EPHA5: variants seen among roughly 807,000 people sequenced by gnomAD.
EPHA5 encodes ephrin type-A receptor 5.
Under a neutral mutation model 105.0 loss-of-function variants are expected in EPHA5, and 60 were observed. The ratio of observed to expected loss-of-function variants is 0.57; its 90% CI spans 0.46 to 0.71. EPHA5 has a LOEUF of 0.71. Ranked by LOEUF, EPHA5 falls within the 30% of genes least tolerant of loss-of-function variation. The pLI, the probability that EPHA5 is intolerant of heterozygous loss-of-function variation, is 0.00. For synonymous variants in EPHA5, 513 were observed against 449.1 expected, an observed-to-expected ratio of 1.14 and a Z score of -1.80; for missense variants, 1,218 against 1,274.7, an observed-to-expected ratio of 0.96 and a Z score of 0.68.
At chr4:65,528,068 T>C (rs1735410525) in intron 3 of EPHA5, among the ~76,000 whole-genome samples, 1 of 152,166 alleles carries the variant, frequency 6.6e-6, no homozygotes, top group Non-Finnish European at 1.5e-5. Context: ...TAAAGTATGG[T>C]CAGCTTGAAA....
intron 2 of EPHA5, among the ~76,000 whole-genome samples, chr4:65,617,650 T>C (rs538433043): frequency 6.6e-6 from 1 of 152,250 alleles, no homozygotes; most frequent in South Asian, 2.1e-4. Flanking sequence ...CCACTATTTT[T>C]TTCTTCTCAA....
intron 1 of EPHA5, among the ~76,000 whole-genome samples, chr4:65,667,475 G>T (rs559527007): frequency 7.2e-5 from 11 of 152,046 alleles, no homozygotes; most frequent in Non-Finnish European, 1.3e-4. Context: ...TCTCATTTTT[G>T]ATTAGATCCC....
intron 1 of EPHA5, among the ~76,000 whole-genome samples, chr4:65,658,741 C>A (rs1007617520): frequency 1.3e-5 from 2 of 151,996 alleles, no homozygotes; most frequent in Non-Finnish European, 2.9e-5. Context: ...AGTAGTTGAG[C>A]CAGGTTCCTG....
chr4:65,568,887 A>G (rs1349401920), intron 3 of EPHA5, among the ~76,000 whole-genome samples: 2 of 151,220 alleles, frequency 1.3e-5, no homozygotes, highest in South Asian at 2.1e-4. Flanking sequence ...TATTGTTTCA[A>G]TAAATAAGAA....
At chr4:65,414,218 G>T (rs2149017904) in intron 7 of EPHA5, 66 bp downstream of exon 7, 1 of 1,430,422 alleles carries the variant, frequency 7.0e-7, no homozygotes, top group Non-Finnish European at 9.8e-7. Flanking sequence ...GGAGGGTATT[G>T]ATCCACTGAC....
chr4:65,405,704 A>G (rs1722290007), intron 7 of EPHA5, among the ~76,000 whole-genome samples: 1 of 152,008 alleles, frequency 6.6e-6, no homozygotes, highest in African/African-American at 2.4e-5. Flanking sequence ...CTTTTTGCAT[A>G]ATATATACAA....
At chr4:65,533,562 A>G (rs1736019841) in intron 3 of EPHA5, among the ~76,000 whole-genome samples, 1 of 152,220 alleles carries the variant, frequency 6.6e-6, no homozygotes, top group Non-Finnish European at 1.5e-5. Flanking sequence ...TCAGAATATT[A>G]TAACTAAAAT....
intron 3 of EPHA5, among the ~76,000 whole-genome samples, chr4:65,516,447 A>G (rs1319883147): frequency 6.6e-6 from 1 of 151,698 alleles, no homozygotes. Context: ...GAAGAGGAGA[A>G]TGTTGCCTGG....
chr4:65,401,914 A>T (rs946740136), intron 8 of EPHA5, among the ~76,000 whole-genome samples: 41 of 151,662 alleles, frequency 2.7e-4, no homozygotes, highest in African/African-American at 8.0e-4. Flanking sequence ...TGAGAGAGAG[A>T]GAGAGAGAGA....
rs2149571698 is a variant in EPHA5 at position 65,669,667 on chromosome 4, C to A, written c.76G>T (p.Ala26Ser). ...SGGGDTPITP[A>S]SLAGCYSAPR... ...GCAGAGTAGCAGCCGGCCAGGGACG[C>A]TGGGGTGATGGGGGTGTCGCCGCCG... Residue 26 changes from alanine to serine, a missense_variant, in exon 1 of 17, where the codon GCG (alanine) becomes TCG (serine). This residue lies in a region of EPHA5 where 233 missense variants were observed against 227.5 expected (regional missense o/e 1.02). Coordinates refer to ENST00000613740, the MANE Select transcript of EPHA5 (RefSeq NM_001281766.3). The A allele has an allele frequency of 7.4e-7, 1 of 1,357,654 alleles. No individual in the cohort carries two copies. The highest frequency in any genetic ancestry group is 2.1e-5 in the South Asian group (1 of 48,602). The allele number at this position is 1,357,654 out of a possible 1,614,324, so 84.1% of individuals were successfully genotyped here. A position where few individuals can be genotyped will look rare whatever the true frequency, so the allele number is the denominator to read the frequency against.
At chr4:65,350,137 C>T (rs1245611589) in intron 13 of EPHA5, among the ~76,000 whole-genome samples, 1 of 152,082 alleles carries the variant, frequency 6.6e-6, no homozygotes, top group East Asian at 1.9e-4. Flanking sequence ...GTTGTATAAC[C>T]TCAATCTTGA....
chr4:65,574,509 G>A (rs1740599358), intron 3 of EPHA5, among the ~76,000 whole-genome samples: 1 of 147,768 alleles, frequency 6.8e-6, no homozygotes, highest in Admixed American at 6.8e-5. Flanking sequence ...TTATTAAAAT[G>A]TCATTCCACA....
intron 1 of EPHA5, 26 bp downstream of exon 1, chr4:65,669,536 C>T (rs1233866326): frequency 7.4e-7 from 1 of 1,360,014 alleles, no homozygotes; most frequent in Non-Finnish European, 9.5e-7. Flanking sequence ...CCCAGGTCGC[C>T]ACGGTCCCCA....
In EPHA5 at chr4:65,323,937, A is replaced by G. The variant is rs2148775521; in HGVS notation, c.*177T>C. On this transcript the variant is annotated 3_prime_UTR_variant, in exon 17 of 17. Coordinates refer to ENST00000613740, the MANE Select transcript of EPHA5 (RefSeq NM_001281766.3). ...GCTTCATGAAAAATGAAGACTAAGG[A>G]CTAAGAACTGGATACTTCAGTAAAA... 2 of 490,528 alleles carry G rather than the reference A, an allele frequency of 4.1e-6. No homozygotes were observed. Among genetic ancestry groups the G allele is most frequent in the East Asian group, 3.3e-5 (1 of 29,978 alleles). 30.4% of individuals were successfully genotyped at this position (490,528 alleles called of 1,614,324 possible).
chr4:65,468,660 AATATATATAACATATATACATAT>A (rs1728989228), intron 5 of EPHA5, among the ~76,000 whole-genome samples: 3 of 10,866 alleles, frequency 2.8e-4, no homozygotes, highest in South Asian at 0.013. Context: ...ATATATGTAA[AATATATATAACATATATACATAT>A]ATATATAAAA....
rs2148813173 is a variant in EPHA5 at position 65,336,011 on chromosome 4, A to C, written c.2710T>G (p.Phe904Val). The change falls in exon 15 of 17, where the codon TTT becomes GTT. Residue 904 changes from phenylalanine to valine, a missense_variant. Transcript: ENST00000613740. ...WQKERNSRPK[F>V]DEIVNMLDKL... is the part of the protein sequence containing the mutation. Reference sequence around the variant, plus strand: ...TCCAACATGTTGACTATTTCATCAAACTTGGGCCTGCTATTTCGCTCTTTC... The same window carrying C: ...TCCAACATGTTGACTATTTCATCAACCTTGGGCCTGCTATTTCGCTCTTTC... The C allele has an allele frequency of 6.2e-7, 1 of 1,613,304 alleles. No homozygotes were observed. The highest frequency in any genetic ancestry group is 8.5e-7 in the Non-Finnish European group (1 of 1,179,586).
At chr4:65,393,325 T>G (rs995056994) in intron 8 of EPHA5, among the ~76,000 whole-genome samples, 3 of 152,176 alleles carry the variant, frequency 2.0e-5, no homozygotes, top group African/African-American at 7.2e-5. Flanking sequence ...GTCTCAGTGC[T>G]ACTGATTGAC....
At chr4:65,543,623 A>G (rs1737069256) in intron 3 of EPHA5, among the ~76,000 whole-genome samples, 1 of 152,068 alleles carries the variant, frequency 6.6e-6, no homozygotes, top group Non-Finnish European at 1.5e-5. Context: ...GGAAGAATCA[A>G]TATCACGAAA....
intron 1 of EPHA5, among the ~76,000 whole-genome samples, chr4:65,660,013 T>C (rs1749422016): frequency 6.6e-6 from 1 of 152,146 alleles, no homozygotes; most frequent in Non-Finnish European, 1.5e-5. Context: ...GCATTTCTCA[T>C]GCCCTTTTAA....
Sources: gnomAD v4.1 joint callset for allele counts (sites outside exome capture counted in the v4.1 genomes callset) on GRCh38, gnomAD v4.1.1 for gene constraint, gnomAD v4.1.1 regional missense constraint, MANE v1.5 for transcripts, NCBI Gene and HGNC (gene_info 2026-07-23, HGNC 2026-07-21) for gene names.